Variants in LDB2 observed in about 807,000 individuals in gnomAD.
LDB2 encodes LIM domain-binding protein 2.
A neutral mutation model predicts 44.3 loss-of-function variants in LDB2; 12 were observed. That is an observed-to-expected ratio of 0.27 (90% confidence interval 0.17 to 0.44). The LOEUF is 0.44. Among genes scored for constraint, LDB2 ranks in the 20% least tolerant of loss-of-function variants. The pLI is 1.00. For missense variants in LDB2, 344 were observed against 473.5 expected (o/e 0.73, Z 2.54); for synonymous variants, 164 against 174.8 (o/e 0.94, Z 0.49).
At chr4:16,808,242 G>T (rs1238432089) in intron 1 of LDB2, among the ~76,000 whole-genome samples, 3 of 152,128 alleles carry the variant, frequency 2.0e-5, no homozygotes, top group Non-Finnish European at 4.4e-5. Context: ...CATTGTCTTT[G>T]GATCTCAAAT....
intron 1 of LDB2, among the ~76,000 whole-genome samples, chr4:16,841,529 G>T (rs577492785): frequency 2.6e-5 from 4 of 152,284 alleles, no homozygotes; most frequent in Admixed American, 1.3e-4. Context: ...AATTCTCACA[G>T]TTGCCTTCAA....
chr4:16,878,739 G>A (rs1719162160), intron 1 of LDB2, among the ~76,000 whole-genome samples: 1 of 152,200 alleles, frequency 6.6e-6, no homozygotes, highest in African/African-American at 2.4e-5. Flanking sequence ...GCTCCCTCCT[G>A]CTACAGGGCC....
At chr4:16,753,924 A>G (rs925798400) in intron 2 of LDB2, among the ~76,000 whole-genome samples, 1 of 152,204 alleles carries the variant, frequency 6.6e-6, no homozygotes, top group African/African-American at 2.4e-5. Context: ...GAGCATTTTC[A>G]AAGGGATGAA....
At chr4:16,528,969 G>A (rs1022282343) in intron 5 of LDB2, among the ~76,000 whole-genome samples, 4 of 152,076 alleles carry the variant, frequency 2.6e-5, no homozygotes, top group Non-Finnish European at 2.9e-5. Flanking sequence ...ATCTTCAACC[G>A]TACCTGGATT....
chr4:16,624,987 A>G (rs1455459634), intron 2 of LDB2, among the ~76,000 whole-genome samples: 2 of 152,182 alleles, frequency 1.3e-5, no homozygotes, highest in Non-Finnish European at 1.5e-5. Flanking sequence ...AAGTTCTCTC[A>G]TCTTTGAAAC....
At chr4:16,862,494 G>GT (rs1712986756) in intron 1 of LDB2, among the ~76,000 whole-genome samples, 1 of 151,810 alleles carries the variant, frequency 6.6e-6, no homozygotes, top group Non-Finnish European at 1.5e-5. Context: ...TTAGCTAGGC[G>GT]TGATAGTGGA....
At chr4:16,595,638 A>C in intron 3 of LDB2, 65 bp downstream of exon 3, 2 of 1,456,614 alleles carry the variant, frequency 1.4e-6, no homozygotes, top group South Asian at 1.3e-5. Flanking sequence ...GGAAAACCAT[A>C]ATTATTATTC....
chr4:16,698,051 T>C (rs555253582), intron 2 of LDB2, among the ~76,000 whole-genome samples: 30 of 152,316 alleles, frequency 2.0e-4, no homozygotes, highest in African/African-American at 6.7e-4. Flanking sequence ...CTGTTCAACG[T>C]TCTACTTTTT....
chr4:16,637,239 G>T lies in LDB2; in HGVS notation c.236-41364C>A, dbSNP rs56885825. On this transcript the variant is annotated intron_variant, in intron 2 of 7. Transcript: ENST00000304523. Reference sequence around the variant, plus strand: ...GATTGTTTTTCTCCACTTAACATAAGCAATCCCAATTCTTTGTGAGAAAGG... The same window carrying T: ...GATTGTTTTTCTCCACTTAACATAATCAATCCCAATTCTTTGTGAGAAAGG... Among the ~76,000 whole-genome samples, 16 of 146,888 alleles carry T rather than the reference G, an allele frequency of 1.1e-4. No homozygotes were observed. In the East Asian group the frequency reaches 3.3e-3, roughly 30 times the overall value.
At chr4:16,791,750 C>G (rs1775806815) in intron 1 of LDB2, among the ~76,000 whole-genome samples, 1 of 151,968 alleles carries the variant, frequency 6.6e-6, no homozygotes, top group Non-Finnish European at 1.5e-5. Flanking sequence ...GTAAAGGAGG[C>G]TGGGAGGCTT....
At chr4:16,782,810 T>A (rs189890172) in intron 1 of LDB2, among the ~76,000 whole-genome samples, 42 of 152,252 alleles carry the variant, frequency 2.8e-4, no homozygotes, top group African/African-American at 9.4e-4. Context: ...AAGACAAAAT[T>A]CTGTTTTCTT....
At chr4:16,641,732 T>C (rs942044069) in intron 2 of LDB2, among the ~76,000 whole-genome samples, 1 of 152,056 alleles carries the variant, frequency 6.6e-6, no homozygotes, top group East Asian at 1.9e-4. Context: ...CAACACTGGA[T>C]GTCACATTTC....
intron 5 of LDB2, among the ~76,000 whole-genome samples, chr4:16,552,565 T>A (rs544720577): frequency 1.6e-4 from 25 of 152,274 alleles, no homozygotes; most frequent in African/African-American, 5.5e-4. Context: ...CGCTTATTAC[T>A]CTTCTCTTTT....
chr4:16,815,732 T>C (rs1780771514), intron 1 of LDB2, among the ~76,000 whole-genome samples: 1 of 152,174 alleles, frequency 6.6e-6, no homozygotes, highest in South Asian at 2.1e-4. Context: ...CTCCCCTAGG[T>C]TTCTGCTCGT....
At chr4:16,690,480 AGG>A (rs1333269308) in intron 2 of LDB2, among the ~76,000 whole-genome samples, 1 of 11,282 alleles carries the variant, frequency 8.9e-5, no homozygotes, top group Non-Finnish European at 2.1e-4. Context: ...GAAGGAAGGA[AGG>A]GAGGGAGGGA....
At chr4:16,510,384 A>G (rs1721264936) in intron 6 of LDB2, among the ~76,000 whole-genome samples, 1 of 152,202 alleles carries the variant, frequency 6.6e-6, no homozygotes, top group South Asian at 2.1e-4. Context: ...GAGGAACAGG[A>G]TATAGAACTG....
chr4:16,827,151 A>T (rs2110016965), intron 1 of LDB2, among the ~76,000 whole-genome samples: 1 of 152,308 alleles, frequency 6.6e-6, no homozygotes, highest in Admixed American at 6.5e-5. Flanking sequence ...CCAAGAAACA[A>T]GAATCCAGAT....
intron 1 of LDB2, chr4:16,826,500 T>C (rs1359162882): frequency 6.6e-6 from 1 of 152,246 alleles, no homozygotes; most frequent in African/African-American, 2.4e-5. Flanking sequence ...AGAATATGAA[T>C]ATTCACCAGT....
At chr4:16,560,150 A>G (rs1741487740) in intron 5 of LDB2, among the ~76,000 whole-genome samples, 1 of 152,244 alleles carries the variant, frequency 6.6e-6, no homozygotes. Flanking sequence ...AGTCACAATT[A>G]AAAGAACTAG....
Sources: gnomAD v4.1 joint callset for allele counts (sites outside exome capture counted in the v4.1 genomes callset) on GRCh38, gnomAD v4.1.1 for gene constraint, MANE v1.5 for transcripts, NCBI Gene and HGNC (gene_info 2026-07-23, HGNC 2026-07-21) for gene names.